The following SHROOM2 variants were observed in gnomAD, a reference collection of about 807,000 sequenced individuals.
SHROOM2 encodes the protein protein Shroom2.
In SHROOM2, 33 loss-of-function variants were observed where a neutral mutation model predicts 75.9. That is an observed-to-expected ratio of 0.43 (90% CI 0.33 to 0.58). The LOEUF (loss-of-function observed/expected upper bound fraction) is 0.58. SHROOM2 is among the 20% of genes least tolerant of loss of function. The pLI is 0.04. For synonymous variants in SHROOM2, 655 were observed against 663.6 expected, an observed-to-expected ratio of 0.99 and a Z score of 0.20; for missense variants, 1,434 against 1,461.2, an observed-to-expected ratio of 0.98 and a Z score of 0.30.
chrX:9,786,903 G>T (rs1189250564), intron 1 of SHROOM2, among the ~76,000 whole-genome samples, 193 bp downstream of exon 1: 1 of 111,813 alleles, frequency 8.9e-6, no homozygotes. Flanking sequence ...CCCGCGCCTC[G>T]CAGAGTTTAA....
At chrX:9,793,763 T>C (rs1601908470) in intron 1 of SHROOM2, among the ~76,000 whole-genome samples, 1 of 109,629 alleles carries the variant, frequency 9.1e-6, no homozygotes. Context: ...TTTTTTTTTT[T>C]AGACAGGGTC....
intron 2 of SHROOM2, among the ~76,000 whole-genome samples, chrX:9,879,383 C>T (rs1251372687): frequency 8.9e-6 from 1 of 111,980 alleles, no homozygotes; most frequent in Non-Finnish European, 1.9e-5. Context: ...GCCTCAGCCT[C>T]CCCAGTAGCT....
chrX:9,818,077 C>T (rs1258541035), intron 1 of SHROOM2, among the ~76,000 whole-genome samples: 4 of 112,342 alleles, frequency 3.6e-5, no homozygotes, highest in African/African-American at 1.3e-4. Context: ...CTGGATGTCT[C>T]ATTGAGCTTA....
Position 9,932,268 on chromosome X carries a change from A to G in SHROOM2, c.2985A>G (p.Leu995=), listed in dbSNP as rs751674786. 1.7e-6 allele frequency: 2 copies of G among 1,196,398 alleles called. No homozygotes were observed. Among genetic ancestry groups the G allele is most frequent in the South Asian group, 1.8e-5 (1 of 55,175 alleles). The part of the protein sequence containing the change: ...KAPNPPTFSE[L]SHCRGAPELP... ...CGAACCCACCCACATTCTCTGAACTATCTCACTGCCGGGGAGCCCCAGAGC... is the reference window on the plus strand; with the variant it reads ...CGAACCCACCCACATTCTCTGAACTGTCTCACTGCCGGGGAGCCCCAGAGC... The change falls in exon 6 of 10, where the codon CTA becomes CTG. Residue 995 remains leucine (L), a synonymous_variant. Transcript: ENST00000380913.
rs1336041072 is a variant in SHROOM2 at position 9,939,229 on chromosome X, C to T, written c.4174C>T (p.Leu1392=). The T allele has an allele frequency of 5.8e-6, 7 of 1,209,663 alleles. No individual in the cohort carries two copies. Among genetic ancestry groups the T allele is most frequent in the Non-Finnish European group, 7.8e-6 (7 of 894,549 alleles). Reference sequence around the variant, plus strand: ...GCCCAGCGTGCCTGCGGCCGTGTCCCTGGCCACCAATTCTACCTACTACAG... The same window carrying T: ...GCCCAGCGTGCCTGCGGCCGTGTCCTTGGCCACCAATTCTACCTACTACAG... ...EEPSVPAAVS[L]ATNSTYYSTS... is the part of the protein sequence containing the mutation. The change falls in exon 8 of 10, where the codon CTG becomes TTG. Residue 1392 remains leucine (L), a synonymous_variant. Coordinates refer to ENST00000380913, the MANE Select transcript of SHROOM2 (RefSeq NM_001649.4).
At chrX:9,845,407 C>T (rs979569880) in intron 1 of SHROOM2, among the ~76,000 whole-genome samples, 1 of 111,708 alleles carries the variant, frequency 9.0e-6, no homozygotes, top group Non-Finnish European at 1.9e-5. Flanking sequence ...AGCAGTTAGC[C>T]GGGGTCACAG....
At chrX:9,792,437 CT>C (rs2083671156) in intron 1 of SHROOM2, among the ~76,000 whole-genome samples, 1 of 99,761 alleles carries the variant, frequency 1.0e-5, no homozygotes, top group Admixed American at 1.2e-4. Context: ...TAAGGAGCCC[CT>C]GGGCTGTTTT....
intron 5 of SHROOM2, among the ~76,000 whole-genome samples, chrX:9,929,051 A>G (rs2084622295): frequency 8.9e-6 from 1 of 112,819 alleles, no homozygotes; most frequent in Non-Finnish European, 1.9e-5. Flanking sequence ...CGTAACACAT[A>G]GACATGCATC....
rs760448051 is a variant in SHROOM2 at position 9,932,314 on chromosome X, C to A, written c.3031C>A (p.Arg1011=). The A allele has an allele frequency of 8.3e-7, 1 of 1,208,406 alleles. No homozygotes were observed. Among genetic ancestry groups the A allele is most frequent in the Non-Finnish European group, 1.1e-6 (1 of 893,692 alleles). The change falls in exon 6 of 10, where the codon CGA becomes AGA. Residue 1011 remains arginine, a synonymous_variant. Coordinates refer to ENST00000380913, the MANE Select transcript of SHROOM2 (RefSeq NM_001649.4). ...APELPREGRG[R]AGTLPRDYRY... ...AGAGCTGCCCCGGGAGGGCCGGGGC[C>A]GAGCGGGAACCCTACCTCGAGATTA... is the stretch of plus-strand genomic sequence containing the variant.
intron 1 of SHROOM2, among the ~76,000 whole-genome samples, chrX:9,846,650 G>A (rs1422624275): frequency 8.9e-6 from 1 of 111,818 alleles, no homozygotes; most frequent in African/African-American, 3.2e-5. Flanking sequence ...GGCCGCTCTC[G>A]AACTCCTGAC....
At chrX:9,919,614 A>G (rs1453590658) in intron 5 of SHROOM2, among the ~76,000 whole-genome samples, 6 of 110,004 alleles carry the variant, frequency 5.5e-5, no homozygotes, top group East Asian at 2.9e-4. Context: ...ACAGGCGTGA[A>G]CCACCGCACC....
chrX:9,827,380 G>A (rs906378334), intron 1 of SHROOM2, among the ~76,000 whole-genome samples: 4 of 107,772 alleles, frequency 3.7e-5, no homozygotes, highest in African/African-American at 1.0e-4. Context: ...GAGCCACCAC[G>A]CCCAGCTAGC....
At position 9,819,590 on chromosome X, in the gene SHROOM2, G is replaced by A. The variant is rs1478357824; in HGVS notation, c.165+32880G>A. 4.7e-5 allele frequency: 7 copies of A among 149,379 alleles called. No homozygotes were observed. The South Asian group carries it at 9.2e-4, about 20-fold the overall frequency. 12.3% of individuals were successfully genotyped at this position (149,379 alleles called of 1,213,427 possible). ...ACTGCAAAAGTTCTCGGTCTCTAAT[G>A]TGAAAACATTTTCACCACTGAGGCT... On this transcript the variant is annotated intron_variant, in intron 1 of 9. Transcript: ENST00000380913.
At chrX:9,915,405 T>G (rs1016407566) in intron 5 of SHROOM2, among the ~76,000 whole-genome samples, 1 of 111,789 alleles carries the variant, frequency 8.9e-6, no homozygotes, top group African/African-American at 3.3e-5. Flanking sequence ...ACAAATAAAA[T>G]CAGCTCTGTC....
intron 5 of SHROOM2, among the ~76,000 whole-genome samples, chrX:9,905,781 G>A (rs904862674): frequency 6.2e-5 from 7 of 112,345 alleles, no homozygotes; most frequent in Non-Finnish European, 1.3e-4. Context: ...CCACAGTGCT[G>A]ACACAGTTTC....
intron 6 of SHROOM2, among the ~76,000 whole-genome samples, 175 bp from the exon 7 acceptor site, chrX:9,936,959 T>C (rs1196814001): frequency 1.8e-5 from 2 of 111,121 alleles, no homozygotes; most frequent in Non-Finnish European, 3.8e-5. Flanking sequence ...CAGAGGGAGC[T>C]TCTTGAGGCC....
At chrX:9,920,044 C>A (rs867864563) in intron 5 of SHROOM2, among the ~76,000 whole-genome samples, 5 of 110,961 alleles carry the variant, frequency 4.5e-5, no homozygotes, top group African/African-American at 1.3e-4. Flanking sequence ...GACATCTCAA[C>A]TCACTACAAC....
rs1254122338 is a variant in SHROOM2, at chrX:9,895,463, C to G, written c.1555C>G (p.His519Asp). The G allele has an allele frequency of 8.3e-7, 1 of 1,209,718 alleles. No homozygotes were observed. Among genetic ancestry groups the G allele is most frequent in the Non-Finnish European group, 1.1e-6 (1 of 894,763 alleles). Residue 519 changes from histidine (H) to aspartate (D), a missense_variant, in exon 4 of 10, where the codon CAC becomes GAC. Around this residue, in one of 3 missense-constraint regions of SHROOM2, gnomAD observed 1,340 missense variants for 1,338.3 expected, o/e 1.00. Coordinates refer to ENST00000380913, the MANE Select transcript of SHROOM2 (RefSeq NM_001649.4). ...CACGGTGGGCCAGAGCCCACGCCAT[C>G]ACCTACCTCAGCCTGAGGGTCCTCC... is the stretch of plus-strand genomic sequence containing the variant. ...PPTVGQSPRH[H>D]LPQPEGPPDA...
At chrX:9,818,485 TA>T in intron 1 of SHROOM2, 1 of 242,122 alleles carries the variant, frequency 4.1e-6, no homozygotes. Flanking sequence ...CCTCTTCTTC[TA>T]AAAAATCTAC....
Sources: allele counts gnomAD v4.1 joint callset (sites outside exome capture counted in the v4.1 genomes callset), GRCh38; gene constraint gnomAD v4.1.1; regional missense constraint gnomAD v4.1.1; transcripts MANE v1.5; gene names NCBI Gene and HGNC (gene_info 2026-07-23, HGNC 2026-07-21).